Variants in LNX1 observed in about 807,000 individuals in gnomAD.
LNX1 encodes the protein ligand of numb-protein X 1.
In LNX1, 54 loss-of-function variants were observed where a neutral mutation model predicts 68.4. That is an observed-to-expected ratio of 0.79 (90% CI 0.63 to 0.99). The LOEUF is 0.99. LNX1 is among the 50% of genes least tolerant of loss of function. The probability of loss-of-function intolerance (pLI) is 0.00; values close to 1 mark genes in which losing one functional copy is unlikely to be tolerated. For synonymous variants in LNX1, 336 were observed against 350.0 expected (o/e 0.96, Z 0.45); for missense variants, 906 against 926.4 (o/e 0.98, Z 0.29).
intron 2 of LNX1, among the ~76,000 whole-genome samples, chr4:53,544,577 G>A (rs1728974128): frequency 6.6e-6 from 1 of 152,212 alleles, no homozygotes; most frequent in Non-Finnish European, 1.5e-5. Context: ...AACCCAAGGA[G>A]GCCAAAAGGT....
chr4:53,481,980 T>C (rs562068358), intron 6 of LNX1, 126 bp from the exon 7 acceptor site: 1 of 1,218,478 alleles, frequency 8.2e-7, no homozygotes, highest in African/African-American at 1.6e-5. Flanking sequence ...TTCTAGTTTG[T>C]TGGGTTTTTT....
chr4:53,530,561 T>G (rs1047029388), intron 2 of LNX1, among the ~76,000 whole-genome samples: 3 of 152,222 alleles, frequency 2.0e-5, no homozygotes, highest in African/African-American at 7.2e-5. Flanking sequence ...AGTATAAACT[T>G]TTTAGAAAGC....
At chr4:53,469,084 T>C (rs1056669245) in intron 9 of LNX1, among the ~76,000 whole-genome samples, 1 of 152,170 alleles carries the variant, frequency 6.6e-6, no homozygotes, top group African/African-American at 2.4e-5. Context: ...GACCACATAG[T>C]TGGAAGTAAA....
chr4:53,487,253 T>C (rs1724370780), intron 6 of LNX1, among the ~76,000 whole-genome samples: 1 of 152,200 alleles, frequency 6.6e-6, no homozygotes, highest in Admixed American at 6.5e-5. Flanking sequence ...ACAGTGACTA[T>C]GAGGGCCAGT....
At chr4:53,585,076 A>G (rs977847160) in intron 1 of LNX1, among the ~76,000 whole-genome samples, 2 of 152,052 alleles carry the variant, frequency 1.3e-5, no homozygotes, top group Non-Finnish European at 2.9e-5. Context: ...CCCTTTGAAA[A>G]CCCGTACCTG....
chr4:53,641,832 T>C (rs530900472), intron 1 of LNX1, among the ~76,000 whole-genome samples: 21 of 152,212 alleles, frequency 1.4e-4, no homozygotes, highest in Non-Finnish European at 2.4e-4. Flanking sequence ...ATTTCAGGAT[T>C]TATTCATATT....
At chr4:53,499,207 T>C (rs540607618) in intron 4 of LNX1, among the ~76,000 whole-genome samples, 38 of 152,326 alleles carry the variant, frequency 2.5e-4, no homozygotes, top group African/African-American at 8.9e-4. Flanking sequence ...TCTTACTCTG[T>C]TGCCCAGGCT....
rs188574139 is a variant in LNX1 at position 53,605,288 on chromosome 4, T to G, written c.-215+11229A>C. Among the ~76,000 whole-genome samples, 6 of 152,336 alleles carry G rather than the reference T, an allele frequency of 3.9e-5. No homozygotes were observed. The East Asian group carries it at 1.2e-3, about 29-fold the overall frequency. ...GATTAAAATACTTAAAAAGAAATTT[T>G]AGTGTGTTATCGTCTTTAAACATTG... On this transcript the variant is annotated intron_variant, in intron 2 of 3. Transcript: ENST00000504299.
chr4:53,464,832 T>C (rs570729356), intron 9 of LNX1, among the ~76,000 whole-genome samples: 1 of 152,292 alleles, frequency 6.6e-6, no homozygotes, highest in South Asian at 2.1e-4. Flanking sequence ...TTTGTCTTTA[T>C]TCCTCAATGA....
At chr4:53,471,292 A>G (rs1723158748) in intron 9 of LNX1, among the ~76,000 whole-genome samples, 1 of 152,054 alleles carries the variant, frequency 6.6e-6, no homozygotes, top group Non-Finnish European at 1.5e-5. Flanking sequence ...AGCCATACGT[A>G]GAGAGCTGAA....
chr4:53,651,314 G>GTCA (rs1342587378), intron 1 of LNX1, among the ~76,000 whole-genome samples: 7 of 152,168 alleles, frequency 4.6e-5, no homozygotes, highest in Admixed American at 4.6e-4. Context: ...TCTGCACTGC[G>GTCA]TCAGCATTCC....
At chr4:53,490,815 C>T (rs1724628482) in intron 6 of LNX1, among the ~76,000 whole-genome samples, 3 of 152,192 alleles carry the variant, frequency 2.0e-5, no homozygotes, top group Admixed American at 2.0e-4. Context: ...TTACAAATAT[C>T]ACATAAATAA....
At chr4:53,594,373 C>T (rs1017226241), upstream of LNX1, among the ~76,000 whole-genome samples, 34 of 152,088 alleles carry the variant, frequency 2.2e-4, no homozygotes, top group African/African-American at 7.2e-4. Flanking sequence ...GTAACTTCTG[C>T]GGCCTATCAC....
intron 9 of LNX1, among the ~76,000 whole-genome samples, chr4:53,469,292 C>T (rs1413044671): frequency 3.3e-5 from 5 of 152,014 alleles, no homozygotes; most frequent in African/African-American, 9.6e-5. Context: ...TTGAAACCAA[C>T]GAGAACAAAG....
At chr4:53,592,491 G>T (rs545589139), upstream of LNX1, among the ~76,000 whole-genome samples, 284 of 152,236 alleles carry the variant, frequency 1.9e-3, 2 homozygotes, top group Admixed American at 3.3e-3. Context: ...GAAACGCTGC[G>T]TATTTTTACC....
At chr4:53,542,956 A>G (rs749462817) in intron 2 of LNX1, among the ~76,000 whole-genome samples, 7 of 152,206 alleles carry the variant, frequency 4.6e-5, no homozygotes, top group Non-Finnish European at 1.0e-4. Flanking sequence ...CTTGCTACTC[A>G]GGAATCCTGT....
chr4:53,576,151 G>A, intron 1 of LNX1: 4 of 1,565,900 alleles, frequency 2.6e-6, no homozygotes, highest in Non-Finnish European at 3.5e-6. Context: ...GCAGCAGGGG[G>A]CCTGGCTGCC....
intron 2 of LNX1, chr4:53,557,914 T>C: frequency 1.2e-6 from 2 of 1,613,352 alleles, no homozygotes; most frequent in Non-Finnish European, 1.7e-6. Flanking sequence ...ACATTGTCAA[T>C]GTAGTTAGCA....
At position 53,558,113 on chromosome 4, in the gene LNX1, C is replaced by T. The variant is rs1414445740; in HGVS notation, c.380+15510G>A. On this transcript the variant is annotated intron_variant, in intron 2 of 10. Coordinates refer to ENST00000263925, the MANE Select transcript of LNX1 (RefSeq NM_001126328.3). The stretch of plus-strand genomic sequence containing the variant: ...GACTGAGAACCTTCAGATTAAGCCA[C>T]GTTAATAAATCACGGGCCCGTAAGA... 15 of 1,441,456 alleles carry T rather than the reference C, an allele frequency of 1.0e-5. No individual in the cohort carries two copies. In the East Asian group the frequency reaches 1.6e-4, roughly 15 times the overall value. 89.3% of individuals were successfully genotyped at this position (1,441,456 alleles called of 1,614,324 possible). A position where few individuals can be genotyped will look rare whatever the true frequency, so the allele number is the denominator to read the frequency against.
Sources: gnomAD v4.1 joint callset for allele counts (sites outside exome capture counted in the v4.1 genomes callset) on GRCh38, gnomAD v4.1.1 for gene constraint, MANE v1.5 for transcripts, NCBI Gene and HGNC (gene_info 2026-07-23, HGNC 2026-07-21) for gene names.